HNRNPA3: variants seen among roughly 807,000 people sequenced by gnomAD.
HNRNPA3 encodes the protein heterogeneous nuclear ribonucleoprotein A3, also known as epididymis secretory sperm binding protein.
A neutral mutation model predicts 45.8 loss-of-function variants in HNRNPA3; 3 were observed. The ratio of observed to expected loss-of-function variants is 0.07; its 90% CI spans 0.03 to 0.17. The LOEUF (loss-of-function observed/expected upper bound fraction) is 0.17. Among genes scored for constraint, HNRNPA3 ranks in the 10% least tolerant of loss-of-function variants. The pLI is 1.00. For synonymous variants in HNRNPA3, 170 were observed against 155.6 expected (o/e 1.09, Z -0.69); for missense variants, 183 against 480.3 (o/e 0.38, Z 5.79).
At chr2:177,215,840 C>A in exon 3 of HNRNPA3, 1 of 1,609,326 alleles carries the variant, frequency 6.2e-7, no homozygotes, top group South Asian at 1.1e-5. Flanking sequence ...AATGTGTGCT[C>A]GACCACACAA....
chr2:177,217,017 A>G (rs752308977), intron 7 of HNRNPA3, 77 bp downstream of exon 7: 12 of 1,328,844 alleles, frequency 9.0e-6, no homozygotes, highest in Non-Finnish European at 1.0e-5. Context: ...ACACTTTTCT[A>G]ATTTTAGTTA....
At chr2:177,223,736 G>A (rs1403357539), downstream of HNRNPA3, 2 of 152,166 alleles carry the variant, frequency 1.3e-5, no homozygotes, top group Non-Finnish European at 2.9e-5. Flanking sequence ...TAAAACTTAA[G>A]TATGTTTTCT....
At chr2:177,215,692 A>G (rs1237891365) in intron 2 of HNRNPA3, 31 bp downstream of exon 2, 3 of 1,613,222 alleles carry the variant, frequency 1.9e-6, no homozygotes, top group East Asian at 2.2e-5. Context: ...AAGGGTTCTA[A>G]GGGGTGTAGA....
chr2:177,221,077 A>G (rs1689170370), downstream of HNRNPA3: 1 of 152,678 alleles, frequency 6.5e-6, no homozygotes, highest in Admixed American at 6.5e-5. Context: ...ATGCAATGCC[A>G]GCATGGAAAT....
intron 1 of HNRNPA3, among the ~76,000 whole-genome samples, chr2:177,214,761 C>G (rs1232881982): frequency 6.6e-6 from 1 of 152,218 alleles, no homozygotes; most frequent in East Asian, 1.9e-4. Context: ...CGCCACTGCA[C>G]TCTAGCCTGG....
chr2:177,213,023 A>T, intron 1 of HNRNPA3, 152 bp downstream of exon 1: 1 of 507,684 alleles, frequency 2.0e-6, no homozygotes, highest in South Asian at 3.2e-5. Flanking sequence ...AGAGTTGGAG[A>T]CCTCCTTGGG....
intron 8 of HNRNPA3, among the ~76,000 whole-genome samples, chr2:177,218,069 T>C (rs1227993396): frequency 1.4e-5 from 1 of 69,340 alleles, no homozygotes; most frequent in East Asian, 4.5e-4. Flanking sequence ...TTTTTTTTTT[T>C]TTTTTTTTTT....
chr2:177,223,085 A>C (rs1464449536), downstream of HNRNPA3: 1 of 152,574 alleles, frequency 6.6e-6, no homozygotes, highest in African/African-American at 2.4e-5. Context: ...AATCCTTTGG[A>C]GACATACTGA....
At position 177,215,536 on chromosome 2, in the gene HNRNPA3, C is replaced by T. The variant is rs776866632; in HGVS notation, c.73-3C>T. The T allele has an allele frequency of 1.9e-6, 3 of 1,613,674 alleles. No homozygotes were observed. The highest frequency in any genetic ancestry group is 1.6e-4 in the Middle Eastern group (1 of 6,076). On this transcript the variant is annotated splice_region_variant and splice_polypyrimidine_tract_variant and intron_variant, in intron 1 of 10. Transcript: ENST00000392524. ...ACTTAAGAGTATTGGTTCTTTCTCT[C>T]AGGGCCATGATCCAAAGGAACCAGA...
downstream of HNRNPA3, chr2:177,222,837 G>A (rs1689241855): frequency 6.5e-6 from 1 of 152,766 alleles, no homozygotes; most frequent in African/African-American, 2.4e-5. Flanking sequence ...GGCCTCATAA[G>A]TTGTCTTGCA....
At chr2:177,218,050 TTC>T (rs1689025021) in intron 8 of HNRNPA3, among the ~76,000 whole-genome samples, 5 of 113,316 alleles carry the variant, frequency 4.4e-5, no homozygotes, top group African/African-American at 5.9e-5. Flanking sequence ...GCTCTCTTTT[TTC>T]TTTTTTTTTT....
intron 7 of HNRNPA3, 28 bp downstream of exon 7, chr2:177,216,968 G>T: frequency 6.9e-7 from 1 of 1,458,054 alleles, no homozygotes; most frequent in South Asian, 1.3e-5. Flanking sequence ...ATTGATGTTT[G>T]ATATTTTAAC....
intron 8 of HNRNPA3, 141 bp from the exon 9 acceptor site, chr2:177,218,896 A>C (rs2105435955): frequency 1.0e-6 from 1 of 956,610 alleles, no homozygotes; most frequent in East Asian, 2.5e-5. Flanking sequence ...ATATCCTGAC[A>C]TCAGTTACCC....
At chr2:177,218,931 G>A (rs573867216) in intron 8 of HNRNPA3, 106 bp from the exon 9 acceptor site, 151 of 1,378,812 alleles carry the variant, frequency 1.1e-4, no homozygotes, top group Non-Finnish European at 1.4e-4. Flanking sequence ...ACAGTGATGT[G>A]TATAAGCATG....
intron 8 of HNRNPA3, among the ~76,000 whole-genome samples, chr2:177,218,370 T>C (rs1307282580): frequency 6.6e-6 from 1 of 152,230 alleles, no homozygotes; most frequent in Non-Finnish European, 1.5e-5. Context: ...CCAAATGTAC[T>C]GAATTTTTAG....
intron 7 of HNRNPA3, 139 bp from the exon 8 acceptor site, chr2:177,217,566 C>CTGCATTGCTGTGGT: frequency 1.0e-6 from 1 of 963,556 alleles, no homozygotes; most frequent in Non-Finnish European, 1.6e-6. Context: ...GAGTTCAAGG[C>CTGCATTGCTGTGGT]TGCATTGCTG....
chr2:177,220,439 CAA>C (rs1689139249), downstream of HNRNPA3: 1 of 154,506 alleles, frequency 6.5e-6, no homozygotes, highest in South Asian at 2.0e-4. Context: ...ATTTAAAGCA[CAA>C]GAGGCCCATA....
chr2:177,222,969 G>C (rs1287106995), downstream of HNRNPA3: 2 of 152,544 alleles, frequency 1.3e-5, no homozygotes, highest in African/African-American at 4.8e-5. Context: ...TTTTCCCAAA[G>C]AACACTGAAT....
intron 4 of HNRNPA3, 111 bp from the exon 5 acceptor site, chr2:177,216,392 C>G (rs946457341): frequency 2.5e-6 from 2 of 790,016 alleles, no homozygotes; most frequent in Admixed American, 4.9e-5. Flanking sequence ...TTACCAGAGT[C>G]ACTACCTGAT....
Sources: allele counts gnomAD v4.1 joint callset (sites outside exome capture counted in the v4.1 genomes callset), GRCh38; gene constraint gnomAD v4.1.1; transcripts MANE v1.5; gene names NCBI Gene and HGNC (gene_info 2026-07-23, HGNC 2026-07-21).